The following FSTL5 variants were observed in gnomAD, a reference collection of about 807,000 sequenced individuals.
The protein encoded by FSTL5 is follistatin-related protein 5.
In FSTL5, 62 loss-of-function variants were observed where a neutral mutation model predicts 89.1. The observed-to-expected ratio is 0.70, with a 90% CI of 0.57 to 0.86. FSTL5 has a LOEUF of 0.86. Among genes scored for constraint, FSTL5 ranks in the 40% least tolerant of loss-of-function variants. The pLI, the probability that FSTL5 is intolerant of heterozygous loss-of-function variation, is 0.00. For synonymous variants in FSTL5, 383 were observed against 346.2 expected (o/e 1.11, Z -1.18); for missense variants, 1,057 against 1,001.6 (o/e 1.06, Z -0.75).
chr4:161,413,322 A>T (rs1387888024), intron 15 of FSTL5, among the ~76,000 whole-genome samples: 1 of 151,416 alleles, frequency 6.6e-6, no homozygotes, highest in Non-Finnish European at 1.5e-5. Context: ...ATGAAAAAAA[A>T]TGTTCAGCAT....
chr4:161,409,329 G>A (rs1271480693), intron 15 of FSTL5, among the ~76,000 whole-genome samples: 1 of 152,004 alleles, frequency 6.6e-6, no homozygotes, highest in African/African-American at 2.4e-5. Context: ...TTAAATTAAG[G>A]AGAAATAAAA....
At chr4:162,066,845 G>T (rs1026644317) in intron 2 of FSTL5, among the ~76,000 whole-genome samples, 2 of 151,944 alleles carry the variant, frequency 1.3e-5, no homozygotes, top group Admixed American at 1.3e-4. Flanking sequence ...ATGGGCATTT[G>T]GGTTGGTTCC....
intron 3 of FSTL5, among the ~76,000 whole-genome samples, chr4:161,998,359 G>T (rs952486869): frequency 5.8e-4 from 88 of 152,112 alleles, no homozygotes; most frequent in African/African-American, 2.1e-3. Flanking sequence ...AAAAAAGATA[G>T]TACCCCTATC....
chr4:161,601,110 G>C (rs1244676273), intron 7 of FSTL5, among the ~76,000 whole-genome samples: 1 of 151,916 alleles, frequency 6.6e-6, no homozygotes, highest in Non-Finnish European at 1.5e-5. Context: ...TAAAACCCTG[G>C]GAGCACAGAC....
At chr4:161,693,253 T>C (rs1013093929) in intron 6 of FSTL5, among the ~76,000 whole-genome samples, 2 of 152,198 alleles carry the variant, frequency 1.3e-5, no homozygotes, top group Admixed American at 1.3e-4. Context: ...GAATATTAAA[T>C]TGTAGTTGTC....
At position 161,870,168 on chromosome 4, in the gene FSTL5, T is replaced by C. The variant is rs1006876092; in HGVS notation, c.409+50236A>G. ...ACTACAAACCCCATAAGATAAAACA[T>C]GTATAATTTGTTCACCACGTGGTGC... On this transcript the variant is annotated intron_variant, in intron 4 of 15. Transcript: ENST00000306100. Among the ~76,000 whole-genome samples the C allele has an allele frequency of 2.6e-5, 4 of 152,262 alleles. No individual in the cohort carries two copies. In the South Asian group the frequency reaches 6.2e-4, roughly 24 times the overall value.
At chr4:161,656,934 T>C (rs1736539890) in intron 6 of FSTL5, among the ~76,000 whole-genome samples, 1 of 152,304 alleles carries the variant, frequency 6.6e-6, no homozygotes, top group South Asian at 2.1e-4. Context: ...GGGAAACCTA[T>C]TGACTCTGAA....
intron 3 of FSTL5, among the ~76,000 whole-genome samples, chr4:161,952,653 A>C (rs183423103): frequency 6.6e-6 from 1 of 152,076 alleles, no homozygotes; most frequent in East Asian, 1.9e-4. Context: ...TTAATATTTA[A>C]ATTCAATACA....
chr4:161,903,485 G>A (rs1733429843), intron 4 of FSTL5, among the ~76,000 whole-genome samples: 1 of 151,466 alleles, frequency 6.6e-6, no homozygotes, highest in Admixed American at 6.6e-5. Flanking sequence ...TTTAAATATA[G>A]TTTAATAAAA....
At chr4:161,987,199 C>A (rs1442004522) in intron 3 of FSTL5, among the ~76,000 whole-genome samples, 3 of 152,062 alleles carry the variant, frequency 2.0e-5, no homozygotes, top group Admixed American at 1.3e-4. Context: ...AAGAATCCTG[C>A]TCCCTTTCTT....
At chr4:161,454,618 A>G (rs906554410) in intron 15 of FSTL5, among the ~76,000 whole-genome samples, 4 of 152,200 alleles carry the variant, frequency 2.6e-5, no homozygotes, top group African/African-American at 7.2e-5. Context: ...TCTCCATACC[A>G]AGTTTCAGTT....
chr4:161,810,036 G>C (rs1251078267), intron 4 of FSTL5, among the ~76,000 whole-genome samples: 2 of 151,992 alleles, frequency 1.3e-5, no homozygotes, highest in African/African-American at 2.4e-5. Flanking sequence ...GGTGAGCCTA[G>C]ACAAATTAAA....
intron 6 of FSTL5, among the ~76,000 whole-genome samples, chr4:161,739,952 A>C (rs933898773): frequency 2.0e-5 from 3 of 152,110 alleles, no homozygotes; most frequent in African/African-American, 4.8e-5. Context: ...TTTGAGGATA[A>C]ATAATCCCAG....
At chr4:161,560,041 C>A (rs924728956) in intron 8 of FSTL5, among the ~76,000 whole-genome samples, 1 of 128,030 alleles carries the variant, frequency 7.8e-6, no homozygotes, top group Non-Finnish European at 1.8e-5. Context: ...TATGAGTTTT[C>A]TTGGTGTGAT....
chr4:161,891,270 A>T (rs1432808925), intron 4 of FSTL5, among the ~76,000 whole-genome samples: 1 of 151,916 alleles, frequency 6.6e-6, no homozygotes, highest in Non-Finnish European at 1.5e-5. Flanking sequence ...TTTGCTCCTT[A>T]TTTCAGAATT....
chr4:162,022,460 G>A (rs1436145082), intron 3 of FSTL5, among the ~76,000 whole-genome samples: 3 of 152,030 alleles, frequency 2.0e-5, no homozygotes, highest in African/African-American at 7.2e-5. Context: ...AGATAATAAT[G>A]TTCTACGCTG....
chr4:161,542,210 T>C (rs1731841583), intron 9 of FSTL5, among the ~76,000 whole-genome samples: 1 of 152,014 alleles, frequency 6.6e-6, no homozygotes, highest in South Asian at 2.1e-4. Context: ...AATGAATTTC[T>C]ATAAAAGAAT....
At chr4:161,756,351 T>C (rs1740569818) in intron 6 of FSTL5, among the ~76,000 whole-genome samples, 1 of 152,210 alleles carries the variant, frequency 6.6e-6, no homozygotes, top group East Asian at 1.9e-4. Context: ...CTTTGTATTA[T>C]ACATAAATTT....
chr4:161,970,277 C>A (rs192649937), intron 3 of FSTL5, among the ~76,000 whole-genome samples: 1 of 152,080 alleles, frequency 6.6e-6, no homozygotes, highest in East Asian at 1.9e-4. Context: ...AATCACAGGA[C>A]TCATTCTATA....
Sources: gnomAD v4.1 joint callset for allele counts (sites outside exome capture counted in the v4.1 genomes callset) on GRCh38, gnomAD v4.1.1 for gene constraint, MANE v1.5 for transcripts, NCBI Gene and HGNC (gene_info 2026-07-23, HGNC 2026-07-21) for gene names.